The following ADGRL3 variants were observed in gnomAD, a reference collection of about 807,000 sequenced individuals.
ADGRL3 encodes calcium-independent alpha-latrotoxin receptor 3.
A neutral mutation model predicts 153.5 loss-of-function variants in ADGRL3; 62 were observed. The observed-to-expected ratio is 0.40, with a 90% CI of 0.33 to 0.50. The LOEUF is 0.50. Ranked by LOEUF, ADGRL3 falls within the 20% of genes least tolerant of loss-of-function variation. ADGRL3 has a pLI of 0.47. For synonymous variants in ADGRL3, 710 were observed against 672.5 expected, an observed-to-expected ratio of 1.06 and a Z score of -0.86; for missense variants, 1,641 against 1,859.4, an observed-to-expected ratio of 0.88 and a Z score of 2.16.
At chr4:61,778,717 T>C (rs2097180711) in intron 8 of ADGRL3, among the ~76,000 whole-genome samples, 1 of 152,194 alleles carries the variant, frequency 6.6e-6, no homozygotes. Flanking sequence ...ATCCTTTTGA[T>C]GAGAGAAGCA....
chr4:61,561,411 A>G (rs563626755), intron 4 of ADGRL3, among the ~76,000 whole-genome samples: 68 of 152,312 alleles, frequency 4.5e-4, no homozygotes, highest in African/African-American at 1.6e-3. Context: ...CTCCAGGTAC[A>G]CTAGAATCTT....
Position 61,202,755 on chromosome 4 carries a change from T to G in ADGRL3, c.-240+990T>G, listed in dbSNP as rs1434734106. Among the ~76,000 whole-genome samples the G allele has an allele frequency of 6.6e-6, 1 of 152,102 alleles. No homozygotes were observed. Among genetic ancestry groups the G allele is most frequent in the African/African-American group, 2.4e-5 (1 of 41,436 alleles). On this transcript the variant is annotated intron_variant, in intron 1 of 26. Coordinates refer to ENST00000683033, the MANE Select transcript of ADGRL3 (RefSeq NM_001387552.1). This position sits in a 1 kb window ranked among gnomAD's most constrained non-coding sequence, Gnocchi z 5.0. ...CCAGCACTATAGGTGGGTGTGTGTGTGTCTGTGCGTGTGTGTGTGGTGTGT... is the reference window on the plus strand; with the variant it reads ...CCAGCACTATAGGTGGGTGTGTGTGGGTCTGTGCGTGTGTGTGTGGTGTGT...
intron 24 of ADGRL3, among the ~76,000 whole-genome samples, chr4:62,043,344 A>C (rs1194657263): frequency 6.6e-6 from 1 of 152,080 alleles, no homozygotes; most frequent in Non-Finnish European, 1.5e-5. Flanking sequence ...TAACCAACTA[A>C]TAAAACAAAT....
intron 4 of ADGRL3, among the ~76,000 whole-genome samples, chr4:61,558,156 TAC>T (rs35761899): frequency 0.06 from 7,795 of 129,756 alleles, 808 homozygotes; most frequent in African/African-American, 0.22. Flanking sequence ...TATATATATA[TAC>T]ACATATGTAG....
intron 1 of ADGRL3, among the ~76,000 whole-genome samples, chr4:61,258,154 C>T (rs967282024): frequency 5.9e-5 from 9 of 152,272 alleles, no homozygotes; most frequent in Middle Eastern, 3.4e-3. Flanking sequence ...GACTTGTGGA[C>T]CAGGTCCCTT....
intron 1 of ADGRL3, among the ~76,000 whole-genome samples, chr4:61,313,228 C>A (rs2095079819): frequency 6.6e-6 from 1 of 152,010 alleles, no homozygotes; most frequent in African/African-American, 2.4e-5. Context: ...TCAGTGGTTG[C>A]CAGAGGATCA....
At chr4:61,923,337 T>G (rs2150007422) in intron 13 of ADGRL3, among the ~76,000 whole-genome samples, 1 of 152,234 alleles carries the variant, frequency 6.6e-6, no homozygotes, top group South Asian at 2.1e-4. Flanking sequence ...ATTGCCAAAT[T>G]CTTCTGTTAA....
chr4:61,512,155 A>G (rs1379597948), intron 3 of ADGRL3, among the ~76,000 whole-genome samples: 1 of 152,040 alleles, frequency 6.6e-6, no homozygotes, highest in African/African-American at 2.4e-5. Context: ...TGAAGTTGGA[A>G]TAGACATTTC....
intron 9 of ADGRL3, among the ~76,000 whole-genome samples, chr4:61,831,952 T>G (rs2097875640): frequency 1.3e-5 from 2 of 151,992 alleles, no homozygotes; most frequent in African/African-American, 4.8e-5. Context: ...TTAAGCTTCA[T>G]ATAGAAGAGC....
At chr4:61,799,958 T>C (rs569136676) in intron 8 of ADGRL3, among the ~76,000 whole-genome samples, 164 of 152,316 alleles carry the variant, frequency 1.1e-3, no homozygotes, top group African/African-American at 3.9e-3. Context: ...GAGAGATCAA[T>C]ATATCCAGGC....
intron 8 of ADGRL3, among the ~76,000 whole-genome samples, chr4:61,761,698 G>A (rs2096914476): frequency 6.6e-6 from 1 of 152,212 alleles, no homozygotes; most frequent in Non-Finnish European, 1.5e-5. Flanking sequence ...GAAAGACTGA[G>A]ATAGAAGGAT....
intron 4 of ADGRL3, among the ~76,000 whole-genome samples, chr4:61,532,564 G>GTGTT (rs2098629238): frequency 6.7e-6 from 1 of 150,358 alleles, no homozygotes; most frequent in Non-Finnish European, 1.5e-5. Flanking sequence ...GCGTGTGTGT[G>GTGTT]TGTGTGTGTG....
At chr4:61,768,369 AAGGAAGATTAG>A (rs1186913743) in intron 8 of ADGRL3, among the ~76,000 whole-genome samples, 23 of 148,640 alleles carry the variant, frequency 1.5e-4, no homozygotes, top group African/African-American at 5.0e-4. Flanking sequence ...GTCTGTAGAA[AAGGAAGATTAG>A]AAAGACTCAG....
At chr4:61,748,098 C>A (rs1218023462) in intron 8 of ADGRL3, among the ~76,000 whole-genome samples, 4 of 151,360 alleles carry the variant, frequency 2.6e-5, no homozygotes, top group African/African-American at 9.8e-5. Context: ...TGAGTGAACT[C>A]CCATTCACAA....
intron 2 of ADGRL3, among the ~76,000 whole-genome samples, chr4:61,391,082 A>G (rs146699818): frequency 5.3e-4 from 80 of 152,318 alleles, no homozygotes; most frequent in African/African-American, 1.8e-3. Flanking sequence ...AATGATAATA[A>G]AGATTGTGTT....
At chr4:61,376,239 G>T (rs2096600911) in intron 1 of ADGRL3, among the ~76,000 whole-genome samples, 1 of 151,882 alleles carries the variant, frequency 6.6e-6, no homozygotes, top group Non-Finnish European at 1.5e-5. Context: ...AAGTATAGAG[G>T]GTAGTCACAT....
intron 9 of ADGRL3, among the ~76,000 whole-genome samples, chr4:61,886,787 G>T (rs1206839055): frequency 1.3e-5 from 2 of 151,466 alleles, no homozygotes; most frequent in African/African-American, 4.8e-5. Context: ...GATTACAGGC[G>T]CCCACCATCA....
chr4:61,543,958 A>T (rs1455704634), intron 4 of ADGRL3, among the ~76,000 whole-genome samples: 1 of 152,186 alleles, frequency 6.6e-6, no homozygotes, highest in African/African-American at 2.4e-5. Flanking sequence ...TTGTCTGCTC[A>T]TATTAGTCCA....
chr4:61,948,057 C>A (rs1476488829), intron 16 of ADGRL3, 43 bp from the exon 17 acceptor site: 4 of 1,511,622 alleles, frequency 2.6e-6, no homozygotes, highest in South Asian at 1.2e-5. Flanking sequence ...TTTACATGAT[C>A]ATAAAGTAGT....
Sources: allele counts gnomAD v4.1 joint callset (sites outside exome capture counted in the v4.1 genomes callset), GRCh38; gene constraint gnomAD v4.1.1; non-coding constraint Gnocchi (gnomAD v3.1); transcripts MANE v1.5; gene names NCBI Gene and HGNC (gene_info 2026-07-23, HGNC 2026-07-21).